CFAP70: variants seen among roughly 807,000 people sequenced by gnomAD.
CFAP70 encodes the protein cilia- and flagella-associated protein 70.
A neutral mutation model predicts 137.6 loss-of-function variants in CFAP70; 81 were observed. The observed-to-expected ratio is 0.59, with a 90% confidence interval of 0.49 to 0.71. CFAP70 has a LOEUF of 0.71. CFAP70 is among the 30% of genes least tolerant of loss of function. The pLI, the probability that CFAP70 is intolerant of heterozygous loss-of-function variation, is 0.00. For missense variants in CFAP70, 976 were observed against 1,226.7 expected (o/e 0.80, Z 3.05); for synonymous variants, 382 against 423.6 (o/e 0.90, Z 1.20).
chr10:73,311,126 C>A (rs1212612046), intron 11 of CFAP70, among the ~76,000 whole-genome samples: 1 of 152,180 alleles, frequency 6.6e-6, no homozygotes, highest in Non-Finnish European at 1.5e-5. Context: ...TTTAAATAAG[C>A]CTTTCAAGTC....
exon 2 of CFAP70, chr10:73,354,821 T>C (rs2054542983): frequency 1.2e-6 from 2 of 1,610,106 alleles, no homozygotes; most frequent in South Asian, 2.2e-5. Flanking sequence ...AAAGTCCCTC[T>C]GTTTTCTTTG....
chr10:73,317,992 T>C (rs2050539113), intron 9 of CFAP70, among the ~76,000 whole-genome samples: 2 of 152,168 alleles, frequency 1.3e-5, no homozygotes, highest in African/African-American at 4.8e-5. Context: ...TTTTATGCTC[T>C]TTCTCTCACC....
In CFAP70 at chr10:73,278,400, T is replaced by C; in HGVS notation, c.2240-63A>G. On this transcript the variant is annotated intron_variant, in intron 19 of 26. Coordinates refer to ENST00000310715, the Ensembl canonical transcript of CFAP70. ...TACATTGGGTGTTTAAAGGTTATTG[T>C]AAGAGATACATTTTGCAAAGCATAA... 2.2e-6 allele frequency: 3 copies of C among 1,394,046 alleles called. No individual in the cohort carries two copies. The South Asian group carries it at 4.0e-5, about 19-fold the overall frequency. 86.4% of individuals were successfully genotyped at this position (1,394,046 alleles called of 1,614,324 possible).
chr10:73,290,392 A>T (rs547815150), intron 19 of CFAP70, among the ~76,000 whole-genome samples: 1 of 152,314 alleles, frequency 6.6e-6, no homozygotes, highest in South Asian at 2.1e-4. Flanking sequence ...AGTTGTCTGG[A>T]AATGGGAGCA....
chr10:73,331,312 C>T (rs1378342280), intron 7 of CFAP70, 36 bp from the exon 9 acceptor site: 4 of 1,530,798 alleles, frequency 2.6e-6, no homozygotes, highest in Non-Finnish European at 3.6e-6. Context: ...GCATTATATG[C>T]AAAAATAAAG....
chr10:73,261,060 C>A (rs2045121318), intron 25 of CFAP70, among the ~76,000 whole-genome samples: 1 of 152,100 alleles, frequency 6.6e-6, no homozygotes, highest in African/African-American at 2.4e-5. Flanking sequence ...CAATTTACAA[C>A]CCTACCAGTA....
chr10:73,358,384 A>T (rs7077740), intron 1 of CFAP70, among the ~76,000 whole-genome samples: 7,212 of 152,256 alleles, frequency 0.047, 509 homozygotes, highest in African/African-American at 0.16. Flanking sequence ...CTGCAAGGGG[A>T]GAGTCCAGTG....
intron 5 of CFAP70, among the ~76,000 whole-genome samples, chr10:73,342,164 T>C (rs1275996736): frequency 6.6e-6 from 1 of 152,198 alleles, no homozygotes; most frequent in African/African-American, 2.4e-5. Context: ...AGGCAATTTA[T>C]AGAAGGGGAA....
chr10:73,257,611 T>G (rs1426140013), intron 25 of CFAP70, among the ~76,000 whole-genome samples: 2 of 152,124 alleles, frequency 1.3e-5, no homozygotes, highest in East Asian at 3.8e-4. Context: ...TCACAAAACT[T>G]TCACACCCTA....
intron 11 of CFAP70, 87 bp downstream of exon 12, chr10:73,311,747 T>C: frequency 9.5e-7 from 1 of 1,055,504 alleles, no homozygotes; most frequent in Non-Finnish European, 1.5e-6. Context: ...ACTAACATCC[T>C]GCCTGAGCAT....
chr10:73,299,171 G>C, intron 13 of CFAP70, 70 bp from the exon 15 acceptor site: 1 of 1,182,138 alleles, frequency 8.5e-7, no homozygotes, highest in Non-Finnish European at 1.2e-6. Flanking sequence ...GTCTAAAACT[G>C]GATTTGGTTT....
In CFAP70 at chr10:73,344,665, C is replaced by A. The variant is rs551091845; in HGVS notation, c.399+400G>T. On this transcript the variant is annotated intron_variant, in intron 5 of 26. Transcript: ENST00000310715. The stretch of plus-strand genomic sequence containing the variant: ...AAATCTCCATCAAGAGCCTAAGAAA[C>A]TCCATATCCAATCATTCCTATACCT... Among the ~76,000 whole-genome samples, 6 of 152,314 alleles carry A rather than the reference C, an allele frequency of 3.9e-5. No individual in the cohort carries two copies. The South Asian group carries it at 8.3e-4, about 21-fold the overall frequency.
intron 8 of CFAP70, 54 bp downstream of exon 9, chr10:73,331,123 G>A (rs1205747305): frequency 8.0e-6 from 10 of 1,250,828 alleles, no homozygotes; most frequent in Non-Finnish European, 1.1e-5. Context: ...AGAATAACAG[G>A]TCGGGTCTGA....
At chr10:73,287,171 G>T (rs60164048) in intron 19 of CFAP70, among the ~76,000 whole-genome samples, 10,855 of 152,206 alleles carry the variant, frequency 0.071, 632 homozygotes, top group East Asian at 0.3. Context: ...GAAGATAAAG[G>T]TCAGATTAAG....
intron 8 of CFAP70, 74 bp downstream of exon 9, chr10:73,331,103 G>A (rs1589516907): frequency 9.6e-7 from 1 of 1,042,622 alleles, no homozygotes; most frequent in Non-Finnish European, 1.4e-6. Flanking sequence ...TTTGGTATCA[G>A]AATTGAAGCA....
upstream of CFAP70, among the ~76,000 whole-genome samples, chr10:73,361,006 T>C (rs984543413): frequency 2.0e-5 from 3 of 151,880 alleles, no homozygotes; most frequent in African/African-American, 7.3e-5. Context: ...ATTTTCTTTT[T>C]TTTTTTTTTT....
chr10:73,360,305 A>G (rs185418906), upstream of CFAP70, among the ~76,000 whole-genome samples: 52 of 152,298 alleles, frequency 3.4e-4, no homozygotes, highest in Non-Finnish European at 6.5e-4. Context: ...TTGACTTTCA[A>G]AAGGTCCAGA....
At chr10:73,263,096 C>CTTCA (rs2045424413) in intron 25 of CFAP70, among the ~76,000 whole-genome samples, 1 of 152,080 alleles carries the variant, frequency 6.6e-6, no homozygotes, top group African/African-American at 2.4e-5. Context: ...TCATTCATTT[C>CTTCA]TTCATTCACT....
At chr10:73,258,632 A>T (rs900803022) in intron 25 of CFAP70, among the ~76,000 whole-genome samples, 3 of 152,248 alleles carry the variant, frequency 2.0e-5, no homozygotes, top group Non-Finnish European at 2.9e-5. Flanking sequence ...CGGACAGAAC[A>T]GAGTCACATT....
Sources: allele counts gnomAD v4.1 joint callset (sites outside exome capture counted in the v4.1 genomes callset), GRCh38; gene constraint gnomAD v4.1.1; transcripts MANE v1.5; gene names NCBI Gene and HGNC (gene_info 2026-07-23, HGNC 2026-07-21).